Variants in VRK2 observed in about 807,000 individuals in gnomAD.
The protein encoded by VRK2 is serine/threonine-protein kinase VRK2.
Under a neutral mutation model 57.6 loss-of-function variants are expected in VRK2, and 60 were observed. That is an observed-to-expected ratio of 1.04 (90% CI 0.85 to 1.29). The LOEUF (loss-of-function observed/expected upper bound fraction) is 1.29, where lower values mean the gene tolerates loss of function less well. Ranked by LOEUF, VRK2 falls within the 50% of genes most tolerant of loss-of-function variation. The probability of loss-of-function intolerance (pLI) is 0.00; values close to 1 mark genes in which losing one functional copy is unlikely to be tolerated. For missense variants in VRK2, 705 were observed against 588.1 expected (o/e 1.20, Z -2.06); for synonymous variants, 231 against 199.2 (o/e 1.16, Z -1.35).
Position 58,146,303 on chromosome 2 carries a change from T to C in VRK2, c.1024-13T>C. The C allele has an allele frequency of 6.3e-7, 1 of 1,598,756 alleles. No individual in the cohort carries two copies. On this transcript the variant is annotated splice_polypyrimidine_tract_variant and intron_variant, in intron 11 of 12. Coordinates refer to ENST00000340157, the MANE Select transcript of VRK2 (RefSeq NM_006296.7). ...GTTTTCATTATATATTATTACTTAC[T>C]CTATACCAACAGGTTGATTCACAAA...
intron 1 of VRK2, among the ~76,000 whole-genome samples, chr2:57,911,476 C>A (rs183270464): frequency 6.6e-6 from 1 of 152,256 alleles, no homozygotes; most frequent in East Asian, 1.9e-4. Flanking sequence ...CAGCTCTGAC[C>A]AACCCACACC....
intron 7 of VRK2, among the ~76,000 whole-genome samples, chr2:58,105,922 A>G (rs1573130031): frequency 6.6e-6 from 1 of 152,046 alleles, no homozygotes; most frequent in East Asian, 1.9e-4. Flanking sequence ...TTTATAATAT[A>G]CCAATGACAG....
At chr2:57,968,825 A>G (rs1343081014) in intron 1 of VRK2, among the ~76,000 whole-genome samples, 1 of 152,142 alleles carries the variant, frequency 6.6e-6, no homozygotes, top group East Asian at 1.9e-4. Flanking sequence ...CATCAAATTC[A>G]TGGAATGTTA....
chr2:57,995,585 T>G (rs1672898791), intron 1 of VRK2, among the ~76,000 whole-genome samples: 2 of 152,314 alleles, frequency 1.3e-5, no homozygotes, highest in South Asian at 4.1e-4. Flanking sequence ...AAAAAAGATG[T>G]CTAGTTCAGC....
At chr2:57,919,497 G>A (rs1302930526) in intron 1 of VRK2, among the ~76,000 whole-genome samples, 1 of 152,000 alleles carries the variant, frequency 6.6e-6, no homozygotes, top group Non-Finnish European at 1.5e-5. Context: ...ATAGTTTTAA[G>A]AGTATACCCT....
At chr2:57,949,290 G>GT (rs955086744) in intron 1 of VRK2, among the ~76,000 whole-genome samples, 3 of 152,126 alleles carry the variant, frequency 2.0e-5, no homozygotes, top group African/African-American at 7.2e-5. Context: ...CAGATATTAT[G>GT]TTTTTTATGA....
At chr2:58,137,220 A>ATCATATATATGATACATT (rs1215720524) in intron 10 of VRK2, among the ~76,000 whole-genome samples, 1 of 48,102 alleles carries the variant, frequency 2.1e-5, no homozygotes, top group Non-Finnish European at 3.5e-5. Flanking sequence ...TGATACATAT[A>ATCATATATATGATACATT]TATCATATGA....
At chr2:58,121,736 TTG>T (rs934978429) in intron 7 of VRK2, among the ~76,000 whole-genome samples, 9 of 152,240 alleles carry the variant, frequency 5.9e-5, no homozygotes, top group African/African-American at 1.9e-4. Context: ...AAATACTCTA[TTG>T]TCTTGAAGCT....
At chr2:57,952,838 C>T (rs1671469217) in intron 1 of VRK2, among the ~76,000 whole-genome samples, 1 of 151,956 alleles carries the variant, frequency 6.6e-6, no homozygotes, top group Admixed American at 6.6e-5. Flanking sequence ...AGGGCCATCT[C>T]CACTGAAACC....
At chr2:58,016,333 T>A (rs952445794) in intron 1 of VRK2, among the ~76,000 whole-genome samples, 1 of 151,366 alleles carries the variant, frequency 6.6e-6, no homozygotes, top group East Asian at 1.9e-4. Flanking sequence ...AGATTCTCCA[T>A]TGTATGTTTT....
At chr2:58,004,868 A>G (rs889925902) in intron 1 of VRK2, among the ~76,000 whole-genome samples, 3 of 152,200 alleles carry the variant, frequency 2.0e-5, no homozygotes, top group South Asian at 2.1e-4. Context: ...TAGTTCTTCC[A>G]GTATAGTGGA....
rs1553378205 is a variant in VRK2, at chr2:58,028,903, A to AT, written c.-333+3133_-333+3134insT. On this transcript the variant is annotated intron_variant, in intron 2 of 15. Coordinates refer to the VRK2 transcript ENST00000417641. ...AGTATAATAAATAAATAAATAAATA[A>AT]ATATATATATATATATATATATATA... Among the ~76,000 whole-genome samples, 267 of 53,940 alleles carry AT rather than the reference A, an allele frequency of 4.9e-3. 1 individual carries two copies. The highest frequency in any genetic ancestry group is 0.014 in the South Asian group (15 of 1,108). 35.4% of individuals were successfully genotyped at this position (53,940 alleles called of 152,430 possible).
intron 8 of VRK2, among the ~76,000 whole-genome samples, chr2:58,127,261 A>T (rs1678499963): frequency 6.6e-6 from 1 of 152,134 alleles, no homozygotes; most frequent in Non-Finnish European, 1.5e-5. Context: ...TGTGAAATAA[A>T]CTGAGAATGT....
intron 2 of VRK2, among the ~76,000 whole-genome samples, chr2:58,052,218 T>C (rs558282102): frequency 6.6e-6 from 1 of 152,304 alleles, no homozygotes; most frequent in Non-Finnish European, 1.5e-5. Context: ...TAATAATAAT[T>C]GTGAGGAGAA....
At position 57,912,806 on chromosome 2, in the gene VRK2, A is replaced by G. The variant is rs545961176; in HGVS notation, c.-439+4967A>G. Reference sequence around the variant, plus strand: ...TTACCCTTATGGGCTGTTATGGACTAAATATTTGTATCCCGAGATTCATAT... The same window carrying G: ...TTACCCTTATGGGCTGTTATGGACTGAATATTTGTATCCCGAGATTCATAT... On this transcript the variant is annotated intron_variant, in intron 1 of 15. Transcript: ENST00000417641. Among the ~76,000 whole-genome samples, 183 of 152,328 alleles carry G rather than the reference A, an allele frequency of 1.2e-3. 2 individuals carry two copies. The South Asian group carries it at 0.013, about 11-fold the overall frequency.
At chr2:57,991,672 G>A (rs988375030) in intron 1 of VRK2, among the ~76,000 whole-genome samples, 3 of 151,898 alleles carry the variant, frequency 2.0e-5, no homozygotes. Flanking sequence ...ATTTTGGCCG[G>A]GTGTGGTAGC....
chr2:57,919,103 TA>T (rs1472671399), intron 1 of VRK2, among the ~76,000 whole-genome samples: 1 of 152,068 alleles, frequency 6.6e-6, no homozygotes, highest in Non-Finnish European at 1.5e-5. Context: ...TATTCTGCAA[TA>T]AATCCTGTAT....
intron 1 of VRK2, among the ~76,000 whole-genome samples, chr2:57,925,675 A>C (rs1232248573): frequency 6.7e-6 from 1 of 150,360 alleles, no homozygotes; most frequent in Non-Finnish European, 1.5e-5. Flanking sequence ...AATTTTTTTC[A>C]TTTCAGTTTC....
intron 1 of VRK2, 188 bp downstream of exon 1, chr2:58,047,056 C>G: frequency 2.3e-6 from 2 of 874,380 alleles, no homozygotes; most frequent in Non-Finnish European, 1.4e-6. Context: ...CTTTTTTCCC[C>G]GCTGGGAGTG....
Sources: allele counts gnomAD v4.1 joint callset (sites outside exome capture counted in the v4.1 genomes callset), GRCh38; gene constraint gnomAD v4.1.1; transcripts MANE v1.5; gene names NCBI Gene and HGNC (gene_info 2026-07-23, HGNC 2026-07-21).